The following TRMT9B variants were observed in gnomAD, a reference collection of about 807,000 sequenced individuals.
TRMT9B encodes the protein tRNA methyltransferase 9B (putative).
A neutral mutation model predicts 11.5 loss-of-function variants in TRMT9B; 16 were observed. The observed-to-expected ratio is 1.39, with a 90% CI of 0.94 to 2.11. The LOEUF is 2.11. Ranked by LOEUF, TRMT9B falls within the 30% of genes most tolerant of loss-of-function variation. The pLI is 0.00. For synonymous variants in TRMT9B, 274 were observed against 192.4 expected (o/e 1.42, Z -3.51); for missense variants, 941 against 553.8 (o/e 1.70, Z -7.02).
Position 13,012,847 on chromosome 8 carries a change from C to T in TRMT9B, c.318C>T (p.Ile106=). 1 of 1,613,816 alleles carries T rather than the reference C, an allele frequency of 6.2e-7. No individual in the cohort carries two copies. ...GGGATGAGGGCTTCGATGCCATCAT[C>T]TCCATAGGAGGTAAGGCAGCCAGAT... ...PFRDEGFDAI[I]SIGVIHHFST... Residue 106 remains isoleucine (I), a synonymous_variant, in exon 4 of 5, where the codon ATC becomes ATT. Coordinates refer to ENST00000524591, the MANE Select transcript of TRMT9B (RefSeq NM_020844.3).
chr8:12,952,071 G>A (rs1319735680), intron 1 of TRMT9B: 1 of 366,508 alleles, frequency 2.7e-6, no homozygotes, highest in South Asian at 1.9e-5. Context: ...AGGTCAAGGG[G>A]TGGAAGTTAC....
intron 4 of TRMT9B, among the ~76,000 whole-genome samples, chr8:13,015,565 GCTGGTCC>G (rs564748492): frequency 1.8e-4 from 22 of 121,384 alleles, no homozygotes; most frequent in Non-Finnish European, 3.5e-4. Context: ...TATTGTCCAG[GCTGGTCC>G]TGAAGTCCAG....
At chr8:12,946,439 G>C (rs1800268433) in intron 1 of TRMT9B, among the ~76,000 whole-genome samples, 1 of 152,184 alleles carries the variant, frequency 6.6e-6, no homozygotes, top group African/African-American at 2.4e-5. Flanking sequence ...TGAAGGGCAA[G>C]AAGAAGCAGA....
chr8:12,973,385 A>G (rs954661830), intron 1 of TRMT9B, among the ~76,000 whole-genome samples: 1 of 152,208 alleles, frequency 6.6e-6, no homozygotes, highest in Non-Finnish European at 1.5e-5. Flanking sequence ...GACCACACAG[A>G]AAGCTGGATA....
intron 1 of TRMT9B, among the ~76,000 whole-genome samples, chr8:12,950,338 G>C (rs762509816): frequency 1.6e-4 from 25 of 152,060 alleles, no homozygotes; most frequent in Non-Finnish European, 3.2e-4. Flanking sequence ...TATTTGCCAG[G>C]CACTATCCTA....
intron 1 of TRMT9B, among the ~76,000 whole-genome samples, chr8:12,974,422 C>A (rs2460899): frequency 8.8e-4 from 134 of 151,848 alleles, no homozygotes; most frequent in Middle Eastern, 6.8e-3. Context: ...GAAGTGAGAA[C>A]GTTTTGTGAC....
Position 13,006,137 on chromosome 8 carries a change from C to G in TRMT9B, c.-1-65C>G, listed in dbSNP as rs1004774323. On this transcript the variant is annotated intron_variant, in intron 2 of 4. Coordinates refer to ENST00000524591, the MANE Select transcript of TRMT9B (RefSeq NM_020844.3). ...CTCCAGATTTTAGGAAATCTGCATC[C>G]TCCTTCAGCCATCTATGGTGCATAG... 2.7e-6 allele frequency: 4 copies of G among 1,494,448 alleles called. No homozygotes were observed. The African/African-American group carries it at 4.2e-5, about 16-fold the overall frequency. 92.6% of individuals were successfully genotyped at this position (1,494,448 alleles called of 1,614,324 possible). A position where few individuals can be genotyped will look rare whatever the true frequency, so the allele number is the denominator to read the frequency against.
intron 3 of TRMT9B, 147 bp from the exon 4 acceptor site, chr8:13,012,537 T>C: frequency 9.5e-7 from 1 of 1,051,398 alleles, no homozygotes; most frequent in Non-Finnish European, 1.3e-6. Context: ...ATTGCGCCAC[T>C]GCACTCCAGC....
chr8:13,003,952 C>T (rs1226576549), intron 2 of TRMT9B, among the ~76,000 whole-genome samples: 1 of 151,696 alleles, frequency 6.6e-6, no homozygotes, highest in Non-Finnish European at 1.5e-5. Context: ...CTCCAACTCC[C>T]TGGCAGCAGC....
At chr8:12,973,359 A>G (rs1399029360) in intron 1 of TRMT9B, among the ~76,000 whole-genome samples, 1 of 152,172 alleles carries the variant, frequency 6.6e-6, no homozygotes, top group Non-Finnish European at 1.5e-5. Flanking sequence ...AAGTCAAGTG[A>G]CAGGGGCTTC....
chr8:12,993,260 A>ATAT (rs1176506775), intron 2 of TRMT9B, among the ~76,000 whole-genome samples: 1 of 152,196 alleles, frequency 6.6e-6, no homozygotes, highest in Non-Finnish European at 1.5e-5. Flanking sequence ...GAAGGAGTGA[A>ATAT]TATTATCCAA....
At chr8:13,007,326 C>T (rs1309789595) in intron 3 of TRMT9B, 1 of 152,258 alleles carries the variant, frequency 6.6e-6, no homozygotes, top group East Asian at 1.9e-4. Flanking sequence ...TCAGTATCTT[C>T]GTAAATCAAG....
chr8:13,002,357 G>A (rs1008388306), intron 2 of TRMT9B, among the ~76,000 whole-genome samples: 3 of 152,170 alleles, frequency 2.0e-5, no homozygotes, highest in East Asian at 1.9e-4. Context: ...AAGGGGAAAC[G>A]TAAATAGACT....
At chr8:13,007,963 C>T (rs1194535184) in intron 3 of TRMT9B, among the ~76,000 whole-genome samples, 1 of 152,174 alleles carries the variant, frequency 6.6e-6, no homozygotes, top group Non-Finnish European at 1.5e-5. Context: ...AAAGAATATA[C>T]AGTTGATTGC....
intron 1 of TRMT9B, among the ~76,000 whole-genome samples, chr8:12,973,443 A>G (rs973869524): frequency 4.6e-5 from 7 of 152,204 alleles, no homozygotes; most frequent in African/African-American, 1.7e-4. Flanking sequence ...GGACCAAGCT[A>G]TGCCTGAAAA....
chr8:12,978,078 A>G (rs1473150790), intron 1 of TRMT9B, among the ~76,000 whole-genome samples: 1 of 152,204 alleles, frequency 6.6e-6, no homozygotes, highest in Non-Finnish European at 1.5e-5. Context: ...AAAAGGAGTC[A>G]GGCTGAAAGG....
chr8:13,019,523 G>A (rs1033773404), intron 4 of TRMT9B, among the ~76,000 whole-genome samples: 5 of 152,220 alleles, frequency 3.3e-5, no homozygotes, highest in South Asian at 4.2e-4. Flanking sequence ...CAAACTCCTG[G>A]CCTCAAGAGT....
intron 1 of TRMT9B, among the ~76,000 whole-genome samples, chr8:12,982,880 C>A (rs1005999257): frequency 6.6e-6 from 1 of 152,144 alleles, no homozygotes; most frequent in Admixed American, 6.5e-5. Context: ...CTCCAAGGGA[C>A]AAAAGGCCCT....
At chr8:13,012,052 C>G in intron 3 of TRMT9B, 2 of 985,364 alleles carry the variant, frequency 2.0e-6, no homozygotes, top group Non-Finnish European at 2.4e-6. Flanking sequence ...CACGTGGTCT[C>G]TCGGATACTA....
Sources: allele counts gnomAD v4.1 joint callset (sites outside exome capture counted in the v4.1 genomes callset), GRCh38; gene constraint gnomAD v4.1.1; transcripts MANE v1.5; gene names NCBI Gene and HGNC (gene_info 2026-07-23, HGNC 2026-07-21).